ENO4: variants seen among roughly 807,000 people sequenced by gnomAD.
ENO4 encodes enolase 4, also known as 2-phospho-D-glycerate hydro-lyase.
In ENO4, 53 loss-of-function variants were observed where a neutral mutation model predicts 63.2. The observed-to-expected ratio is 0.84, with a 90% CI of 0.67 to 1.05. ENO4 has a LOEUF of 1.05. Among genes scored for constraint, ENO4 ranks in the 50% least tolerant of loss-of-function variants. The pLI, the probability that ENO4 is intolerant of heterozygous loss-of-function variation, is 0.00. For synonymous variants in ENO4, 266 were observed against 283.8 expected (o/e 0.94, Z 0.63); for missense variants, 719 against 772.0 (o/e 0.93, Z 0.81).
chr10:116,893,904 A>G (rs1193738350), intron 10 of ENO4, among the ~76,000 whole-genome samples: 6 of 152,208 alleles, frequency 3.9e-5, no homozygotes, highest in Non-Finnish European at 7.3e-5. Flanking sequence ...TAGAGAAAGT[A>G]AACAAAATAA....
At chr10:116,895,031 C>T (rs570928642) in intron 10 of ENO4, among the ~76,000 whole-genome samples, 3 of 152,056 alleles carry the variant, frequency 2.0e-5, no homozygotes, top group African/African-American at 7.2e-5. Context: ...AAGGTGTTAA[C>T]CAGTAATTGA....
intron 10 of ENO4, among the ~76,000 whole-genome samples, chr10:116,906,055 G>A (rs1847957559): frequency 6.6e-6 from 1 of 152,244 alleles, no homozygotes; most frequent in South Asian, 2.1e-4. Flanking sequence ...AAAGAGTAAA[G>A]ATGATTTTCC....
chr10:116,887,090 G>A (rs1311261300), downstream of ENO4, among the ~76,000 whole-genome samples: 1 of 152,188 alleles, frequency 6.6e-6, no homozygotes, highest in Non-Finnish European at 1.5e-5. Flanking sequence ...ACCAACTAGA[G>A]GAGACCTGGT....
intron 4 of ENO4, among the ~76,000 whole-genome samples, 200 bp from the exon 5 acceptor site, chr10:116,860,594 A>G (rs1231544328): frequency 2.0e-5 from 3 of 152,210 alleles, no homozygotes; most frequent in African/African-American, 7.2e-5. Flanking sequence ...AATGGCCTAA[A>G]ATGTCTTAGA....
chr10:116,858,958 C>T, intron 3 of ENO4, 32 bp from the exon 4 acceptor site: 1 of 1,409,248 alleles, frequency 7.1e-7, no homozygotes, highest in Non-Finnish European at 9.6e-7. Flanking sequence ...CCTAAATATC[C>T]CACTGTAAAG....
intron 10 of ENO4, chr10:116,901,005 T>C (rs1050396453): frequency 6.1e-6 from 6 of 985,318 alleles, no homozygotes; most frequent in African/African-American, 1.7e-5. Flanking sequence ...AAAGGGGTTC[T>C]TTCTCTCTTG....
chr10:116,889,987 G>A (rs927677848), intron 10 of ENO4, among the ~76,000 whole-genome samples: 2 of 151,982 alleles, frequency 1.3e-5, no homozygotes, highest in Non-Finnish European at 2.9e-5. Context: ...CATTCCTATC[G>A]TATGGGAAGA....
chr10:116,877,515 A>G (rs1846872509), intron 11 of ENO4, among the ~76,000 whole-genome samples: 1 of 152,146 alleles, frequency 6.6e-6, no homozygotes, highest in East Asian at 1.9e-4. Flanking sequence ...ATCAGATTAG[A>G]AGCAGTTTTC....
At chr10:116,911,610 A>C in exon 11 of ENO4, 2 of 1,551,866 alleles carry the variant, frequency 1.3e-6, no homozygotes, top group Non-Finnish European at 1.7e-6. Context: ...GTGTTATTTG[A>C]AAAATTATTA....
chr10:116,907,091 T>C (rs1030374205), intron 10 of ENO4, among the ~76,000 whole-genome samples: 17 of 152,154 alleles, frequency 1.1e-4, no homozygotes, highest in African/African-American at 3.4e-4. Flanking sequence ...GAGAAGAGAA[T>C]TGATATATTA....
chr10:116,879,768 A>C lies in ENO4; in HGVS notation c.1606-101A>C, dbSNP rs551846161. On this transcript the variant is annotated intron_variant, in intron 12 of 13. Transcript: ENST00000341276. ...TAAAAAACTAGTAAGAGAAAATCCC[A>C]AACAGCACACTGTGACAGTTTCCTT... 4 of 924,974 alleles carry C rather than the reference A, an allele frequency of 4.3e-6. No individual in the cohort carries two copies. In the African/African-American group the frequency reaches 5.0e-5, roughly 12 times the overall value. 57.3% of individuals were successfully genotyped at this position (924,974 alleles called of 1,614,324 possible).
At chr10:116,891,818 G>A (rs983687324) in intron 10 of ENO4, among the ~76,000 whole-genome samples, 2 of 152,106 alleles carry the variant, frequency 1.3e-5, no homozygotes, top group South Asian at 2.1e-4. Context: ...TATTACTACC[G>A]ATTCTAGCAT....
intron 1 of ENO4, chr10:116,849,995 C>T: frequency 1.5e-6 from 1 of 646,036 alleles, no homozygotes; most frequent in African/African-American, 1.8e-5. Flanking sequence ...CAGCGGCAGC[C>T]CAGGGGCTGG....
intron 10 of ENO4, among the ~76,000 whole-genome samples, chr10:116,897,658 T>C (rs1847571199): frequency 6.6e-6 from 1 of 152,232 alleles, no homozygotes; most frequent in South Asian, 2.1e-4. Flanking sequence ...CTATATGATC[T>C]AATTTACATG....
At chr10:116,901,459 A>G (rs1326781666) in intron 10 of ENO4, 4 of 985,198 alleles carry the variant, frequency 4.1e-6, no homozygotes, top group Non-Finnish European at 4.8e-6. Context: ...TTTAATCTTG[A>G]AAGACTGATT....
intron 13 of ENO4, 111 bp downstream of exon 13, chr10:116,880,097 A>C: frequency 1.3e-6 from 1 of 761,120 alleles, no homozygotes; most frequent in Non-Finnish European, 2.1e-6. Context: ...TCCAAAGACC[A>C]TACATAAGTG....
intron 10 of ENO4, among the ~76,000 whole-genome samples, chr10:116,895,621 A>G (rs1289586426): frequency 3.3e-5 from 5 of 152,212 alleles, no homozygotes; most frequent in Non-Finnish European, 7.3e-5. Flanking sequence ...CTTAGGGTCA[A>G]TGAAGCAACT....
chr10:116,849,855 C>G (rs909404773), intron 1 of ENO4, 124 bp downstream of exon 1: 10 of 1,130,452 alleles, frequency 8.8e-6, no homozygotes, highest in Non-Finnish European at 1.1e-5. Context: ...GGGCCCTGGG[C>G]CTGCGTGTGC....
chr10:116,900,973 C>G, intron 10 of ENO4: 1 of 985,418 alleles, frequency 1.0e-6, no homozygotes, highest in Non-Finnish European at 1.2e-6. Context: ...ACCTTTTAAG[C>G]TAAGACAGCT....
Sources: gnomAD v4.1 joint callset for allele counts (sites outside exome capture counted in the v4.1 genomes callset) on GRCh38, gnomAD v4.1.1 for gene constraint, MANE v1.5 for transcripts, NCBI Gene and HGNC (gene_info 2026-07-23, HGNC 2026-07-21) for gene names.